The following NOL10 variants were observed in gnomAD, a reference collection of about 807,000 sequenced individuals.
NOL10 encodes H_NH0074G24.1.
NOL10 carries 58 observed loss-of-function variants against 103.5 expected under a neutral mutation model. The ratio of observed to expected loss-of-function variants is 0.56; its 90% CI spans 0.45 to 0.70. The LOEUF (loss-of-function observed/expected upper bound fraction) is 0.70, where lower values mean the gene tolerates loss of function less well. Ranked by LOEUF, NOL10 falls within the 30% of genes least tolerant of loss-of-function variation. The pLI, the probability that NOL10 is intolerant of heterozygous loss-of-function variation, is 0.00. For missense variants in NOL10, 763 were observed against 807.3 expected (o/e 0.95, Z 0.67); for synonymous variants, 287 against 282.5 (o/e 1.02, Z -0.16).
chr2:10,588,831 G>A (rs1270323343), intron 19 of NOL10, among the ~76,000 whole-genome samples: 1 of 152,210 alleles, frequency 6.6e-6, no homozygotes, highest in Non-Finnish European at 1.5e-5. Context: ...AGAGACCAAT[G>A]TACTTCAATA....
At chr2:10,623,708 C>A (rs530992452) in intron 13 of NOL10, among the ~76,000 whole-genome samples, 1 of 152,204 alleles carries the variant, frequency 6.6e-6, no homozygotes, top group African/African-American at 2.4e-5. Flanking sequence ...ACCCAGCCCC[C>A]CAAATACTCA....
At chr2:10,660,809 T>C (rs754455076) in intron 9 of NOL10, among the ~76,000 whole-genome samples, 6 of 152,130 alleles carry the variant, frequency 3.9e-5, no homozygotes, top group Non-Finnish European at 7.4e-5. Context: ...CAGAAACTTA[T>C]GTCATCTGGA....
At chr2:10,665,635 C>T (rs1382180384) in intron 8 of NOL10, among the ~76,000 whole-genome samples, 3 of 152,286 alleles carry the variant, frequency 2.0e-5, no homozygotes, top group South Asian at 2.1e-4. Context: ...AAGAGCAGCA[C>T]GTTCTAATAC....
At chr2:10,619,699 C>G (rs1247898951) in intron 13 of NOL10, among the ~76,000 whole-genome samples, 1 of 152,068 alleles carries the variant, frequency 6.6e-6, no homozygotes, top group Non-Finnish European at 1.5e-5. Context: ...AAAAGAAAAT[C>G]TGAACATGGC....
intron 20 of NOL10, among the ~76,000 whole-genome samples, chr2:10,573,922 A>C (rs1304425504): frequency 1.3e-5 from 2 of 152,088 alleles, no homozygotes; most frequent in Non-Finnish European, 2.9e-5. Context: ...TTCCTTTCAA[A>C]TATCCCTTGA....
chr2:10,679,637 T>C (rs1003057030), intron 3 of NOL10, among the ~76,000 whole-genome samples: 2 of 150,758 alleles, frequency 1.3e-5, no homozygotes, highest in African/African-American at 4.8e-5. Context: ...TCTTTCTTTC[T>C]TTCTTTGAGA....
At chr2:10,636,696 C>T (rs887875760) in intron 13 of NOL10, among the ~76,000 whole-genome samples, 5 of 151,706 alleles carry the variant, frequency 3.3e-5, no homozygotes, top group African/African-American at 2.4e-5. Flanking sequence ...CCAAAACACA[C>T]CAGAACAGTA....
intron 13 of NOL10, among the ~76,000 whole-genome samples, chr2:10,629,968 T>A (rs1677730359): frequency 6.6e-6 from 1 of 152,174 alleles, no homozygotes; most frequent in Admixed American, 6.5e-5. Flanking sequence ...TTTAAAACAT[T>A]TTGCAGAAAG....
At chr2:10,623,657 C>G (rs1572314649) in intron 13 of NOL10, among the ~76,000 whole-genome samples, 2 of 152,154 alleles carry the variant, frequency 1.3e-5, no homozygotes, top group Non-Finnish European at 2.9e-5. Context: ...AGGAAAGATG[C>G]TCACTAAGTG....
intron 13 of NOL10, among the ~76,000 whole-genome samples, chr2:10,639,078 C>T (rs1678521441): frequency 6.6e-6 from 1 of 151,554 alleles, no homozygotes; most frequent in Admixed American, 6.6e-5. Context: ...GCTAGGATTA[C>T]AGGCGTGAGC....
At chr2:10,629,548 G>A (rs956266559) in intron 13 of NOL10, among the ~76,000 whole-genome samples, 2 of 152,142 alleles carry the variant, frequency 1.3e-5, no homozygotes, top group Non-Finnish European at 2.9e-5. Flanking sequence ...CTACTCATCT[G>A]TATTTGCCAT....
At chr2:10,682,097 TTAAC>T in intron 2 of NOL10, 28 bp from the exon 3 acceptor site, 1 of 1,047,642 alleles carries the variant, frequency 9.5e-7, no homozygotes, top group Non-Finnish European at 1.4e-6. Flanking sequence ...AACAACTAGT[TTAAC>T]TAACATGTGC....
At chr2:10,681,512 A>C (rs1681754628) in intron 3 of NOL10, among the ~76,000 whole-genome samples, 1 of 152,242 alleles carries the variant, frequency 6.6e-6, no homozygotes, top group South Asian at 2.1e-4. Flanking sequence ...ATCTTGATAG[A>C]GCTTTGAGTT....
At chr2:10,620,470 A>G (rs1021007079) in intron 13 of NOL10, among the ~76,000 whole-genome samples, 3 of 152,228 alleles carry the variant, frequency 2.0e-5, no homozygotes, top group Admixed American at 6.5e-5. Flanking sequence ...GGAGGCGGTC[A>G]TGCACGGAAC....
intron 13 of NOL10, among the ~76,000 whole-genome samples, chr2:10,613,014 G>A (rs10167676): frequency 0.59 from 87,366 of 148,424 alleles, 26,648 homozygotes; most frequent in African/African-American, 0.74. Context: ...AAAAAAAAAA[G>A]AGAGAAAGAA....
intron 13 of NOL10, among the ~76,000 whole-genome samples, chr2:10,636,720 T>C (rs375293658): frequency 1.3e-5 from 2 of 152,186 alleles, no homozygotes; most frequent in African/African-American, 4.8e-5. Flanking sequence ...TTTCAAATAC[T>C]GAACTTGAAA....
intron 13 of NOL10, among the ~76,000 whole-genome samples, chr2:10,633,273 C>G (rs1677959512): frequency 6.6e-6 from 1 of 151,794 alleles, no homozygotes; most frequent in Admixed American, 6.6e-5. Flanking sequence ...CACCATGTTG[C>G]CCAAGCTGGA....
At chr2:10,683,794 T>C (rs941686713) in intron 2 of NOL10, among the ~76,000 whole-genome samples, 1 of 152,224 alleles carries the variant, frequency 6.6e-6, no homozygotes, top group Non-Finnish European at 1.5e-5. Context: ...AGAGGGGAAC[T>C]GGCACAAATA....
intron 14 of NOL10, chr2:10,604,684 C>A (rs190500799): frequency 4.5e-4 from 69 of 152,234 alleles, no homozygotes; most frequent in African/African-American, 1.6e-3. Context: ...TTATTAATGT[C>A]ACAGAATTAA....
Sources: allele counts gnomAD v4.1 joint callset (sites outside exome capture counted in the v4.1 genomes callset), GRCh38; gene constraint gnomAD v4.1.1; transcripts MANE v1.5; gene names NCBI Gene and HGNC (gene_info 2026-07-23, HGNC 2026-07-21).